HTR5A: variants seen among roughly 807,000 people sequenced by gnomAD.
HTR5A encodes 5-hydroxytryptamine receptor 5A.
In HTR5A, 21 loss-of-function variants were observed where a neutral mutation model predicts 24.3. The ratio of observed to expected loss-of-function variants is 0.86; its 90% CI spans 0.61 to 1.24. The LOEUF is 1.24. Ranked by LOEUF, HTR5A falls within the 50% of genes most tolerant of loss-of-function variation. HTR5A has a pLI of 0.00. For missense variants in HTR5A, 497 were observed against 489.5 expected (o/e 1.02, Z -0.15); for synonymous variants, 260 against 213.7 (o/e 1.22, Z -1.89).
chr7:155,072,559 C>A (rs1433480274), intron 1 of HTR5A, among the ~76,000 whole-genome samples: 1 of 152,196 alleles, frequency 6.6e-6, no homozygotes, highest in East Asian at 1.9e-4. Flanking sequence ...ATTCTGCAGG[C>A]TGCTCCCCCT....
At position 155,071,219 on chromosome 7, in the gene HTR5A, G is replaced by A; in HGVS notation, c.320G>A (p.Trp107Ter). The change falls in exon 1 of 2, where the codon TGG becomes TAG. Residue 107 changes from tryptophan (W) to a stop codon, truncating the protein, a stop_gained. Coordinates refer to ENST00000287907, the MANE Select transcript of HTR5A (RefSeq NM_024012.4). LOFTEE classifies it high-confidence loss of function. ...SLVHELSGRR[W>*]QLGRRLCQLW... The stretch of plus-strand genomic sequence containing the variant: ...GTGCACGAGCTGTCCGGGCGCCGCT[G>A]GCAGCTAGGTCGGAGGCTGTGCCAG... 1.9e-6 allele frequency: 3 copies of A among 1,603,524 alleles called. No individual in the cohort carries two copies. Among genetic ancestry groups the A allele is most frequent in the Non-Finnish European group, 2.5e-6 (3 of 1,179,876 alleles).
intron 1 of HTR5A, among the ~76,000 whole-genome samples, chr7:155,081,698 G>C (rs148593493): frequency 2.6e-5 from 4 of 152,260 alleles, no homozygotes; most frequent in East Asian, 3.9e-4. Flanking sequence ...GATTAGAAGA[G>C]AGCAAAGAGC....
chr7:155,076,494 A>T (rs1354606157), intron 1 of HTR5A, among the ~76,000 whole-genome samples: 2 of 152,166 alleles, frequency 1.3e-5, no homozygotes, highest in Non-Finnish European at 1.5e-5. Flanking sequence ...GAGAGACTGG[A>T]CTACTTATTA....
At position 155,070,921 on chromosome 7, in the gene HTR5A, ACCT is replaced by A. The variant is rs1360851620; in HGVS notation, c.26_28del (p.Ser9del). 6.2e-7 allele frequency: 1 copy of A among 1,603,494 alleles called. No individual in the cohort carries two copies. The highest frequency in any genetic ancestry group is 8.5e-7 in the Non-Finnish European group (1 of 1,179,288). Reference sequence around the variant, plus strand: ...AGAGATGGATTTACCTGTGAACCTAACCTCCTTTTCCCTCTCCACCCCCTCCCC... The same window carrying A: ...AGAGATGGATTTACCTGTGAACCTAACCTTTTCCCTCTCCACCCCCTCCCC... On this transcript the variant is annotated inframe_deletion, in exon 1 of 2. Coordinates refer to ENST00000287907, the MANE Select transcript of HTR5A (RefSeq NM_024012.4).
At chr7:155,078,265 T>C (rs1213301581) in intron 1 of HTR5A, among the ~76,000 whole-genome samples, 1 of 152,224 alleles carries the variant, frequency 6.6e-6, no homozygotes, top group East Asian at 1.9e-4. Flanking sequence ...TTGGATATTT[T>C]GCAAATTGGC....
intron 1 of HTR5A, among the ~76,000 whole-genome samples, chr7:155,080,627 G>T (rs1240723007): frequency 4.6e-5 from 7 of 152,204 alleles, no homozygotes; most frequent in African/African-American, 1.7e-4. Flanking sequence ...TCAGAATAGC[G>T]AGAGGAAGCT....
chr7:155,085,144 G>A lies in HTR5A; in HGVS notation c.*657G>A, dbSNP rs1795462717. 1 of 152,258 alleles carries A rather than the reference G, an allele frequency of 6.6e-6. No individual in the cohort carries two copies. Among genetic ancestry groups the A allele is most frequent in the South Asian group, 2.1e-4 (1 of 4,836 alleles). The allele number at this position is 152,258 out of a possible 1,614,324, so 9.4% of individuals were successfully genotyped here. ...ACACACAACTATGAAAGAGGCAGGT[G>A]TTCTAGCTAGCTAGTTTACTCCAAA... On this transcript the variant is annotated 3_prime_UTR_variant, in exon 2 of 2. Transcript: ENST00000287907.
chr7:155,070,981 G>T lies in HTR5A; in HGVS notation c.82G>T (p.Asp28Tyr). The stretch of plus-strand genomic sequence containing the variant: ...GACCAACCACAGCCTCGGCAAAGAC[G>T]ACCTGCGCCCCAGCTCGCCCCTGCT... The part of the protein sequence containing the change: ...LETNHSLGKD[D>Y]LRPSSPLLSV... Residue 28 changes from aspartate to tyrosine, a missense_variant, in exon 1 of 2, where the codon GAC becomes TAC. Physicochemically the swap from Asp to Tyr is radical, Grantham distance 160 (BLOSUM62 -3). Coordinates refer to ENST00000287907, the MANE Select transcript of HTR5A (RefSeq NM_024012.4). 3 of 1,611,500 alleles carry T rather than the reference G, an allele frequency of 1.9e-6. No individual in the cohort carries two copies. The highest frequency in any genetic ancestry group is 1.7e-6 in the Non-Finnish European group (2 of 1,180,002).
At chr7:155,082,734 T>C (rs1795431909) in intron 1 of HTR5A, among the ~76,000 whole-genome samples, 1 of 152,234 alleles carries the variant, frequency 6.6e-6, no homozygotes, top group African/African-American at 2.4e-5. Flanking sequence ...CTTTCCTTTA[T>C]GCTGAAAAAT....
Position 155,070,370 on chromosome 7 carries a change from A to T in HTR5A, c.-530A>T, listed in dbSNP as rs1795273008. 2 of 455,276 alleles carry T rather than the reference A, an allele frequency of 4.4e-6. No individual in the cohort carries two copies. Among genetic ancestry groups the T allele is most frequent in the Non-Finnish European group, 8.8e-6 (2 of 226,620 alleles). 28.2% of individuals were successfully genotyped at this position (455,276 alleles called of 1,614,324 possible). On this transcript the variant is annotated 5_prime_UTR_variant, in exon 1 of 2. Transcript: ENST00000287907. Reference sequence around the variant, plus strand: ...CAGCCTCCGAAGGGGTGGCGGGGGCAACAGGGACAGAAGGCAGGTCCCAGA... The same window carrying T: ...CAGCCTCCGAAGGGGTGGCGGGGGCTACAGGGACAGAAGGCAGGTCCCAGA...
rs114348365 is a variant in HTR5A at position 155,075,246 on chromosome 7, G to A, written c.741+3606G>A. On this transcript the variant is annotated intron_variant, in intron 1 of 1. Transcript: ENST00000287907. ...AGCCAAAGCTGCAGGAGAGATCTCC[G>A]TGATTATCCAGATTGTCACCACTGT... 4.4e-3 allele frequency among the ~76,000 whole-genome samples: 634 copies of A among 145,536 alleles called. 4 individuals are homozygous for A. The highest frequency in any genetic ancestry group is 0.014 in the African/African-American group (586 of 40,482).
chr7:155,080,652 T>C (rs1226050368), intron 1 of HTR5A, among the ~76,000 whole-genome samples: 2 of 152,196 alleles, frequency 1.3e-5, no homozygotes, highest in African/African-American at 4.8e-5. Flanking sequence ...TTGTCAGCAG[T>C]CTCCCAGAGC....
chr7:155,071,490 G>A lies in HTR5A; in HGVS notation c.591G>A (p.Glu197=). Reference sequence around the variant, plus strand: ...GCGAGGAGTGCCAGGTAAGCCGCGAGCCTTCCTACGCCGTGTTCTCCACCG... The same window carrying A: ...GCGAGGAGTGCCAGGTAAGCCGCGAACCTTCCTACGCCGTGTTCTCCACCG... ...EGSEECQVSR[E]PSYAVFSTVG... The change falls in exon 1 of 2, where the codon GAG becomes GAA. Residue 197 remains glutamate (E), a synonymous_variant. Transcript: ENST00000287907. 2 of 1,614,198 alleles carry A rather than the reference G, an allele frequency of 1.2e-6. No individual in the cohort carries two copies. Among genetic ancestry groups the A allele is most frequent in the Non-Finnish European group, 1.7e-6 (2 of 1,180,046 alleles).
Position 155,085,997 on chromosome 7 carries a change from T to G in HTR5A, c.*1510T>G, listed in dbSNP as rs1005996285. On this transcript the variant is annotated 3_prime_UTR_variant, in exon 2 of 2. Transcript: ENST00000287907. The stretch of plus-strand genomic sequence containing the variant: ...GCAGATTCATTGAGAAATTTAGTGA[T>G]AAGAATTGAAGAATTTATTTAGAAA... 1.4e-4 allele frequency among the ~76,000 whole-genome samples: 22 copies of G among 152,206 alleles called. No homozygotes were observed. The highest frequency in any genetic ancestry group is 1.2e-3 in the Admixed American group (18 of 15,278).
intron 1 of HTR5A, among the ~76,000 whole-genome samples, chr7:155,083,084 T>C (rs1242427897): frequency 6.8e-6 from 1 of 146,934 alleles, no homozygotes; most frequent in Non-Finnish European, 1.5e-5. Flanking sequence ...TGTTATTCCA[T>C]GTGATAGTAA....
chr7:155,084,582 G>A lies in HTR5A; in HGVS notation c.*95G>A, dbSNP rs917231272. On this transcript the variant is annotated 3_prime_UTR_variant, in exon 2 of 2. Transcript: ENST00000287907. Reference sequence around the variant, plus strand: ...ATCCCCACCCAACAGCCATGTGGACGGGATGAATCCTCACCATTCTCCAGG... The same window carrying A: ...ATCCCCACCCAACAGCCATGTGGACAGGATGAATCCTCACCATTCTCCAGG... 14 of 1,030,820 alleles carry A rather than the reference G, an allele frequency of 1.4e-5. No homozygotes were observed. The highest frequency in any genetic ancestry group is 4.6e-5 in the South Asian group (3 of 65,528). 63.9% of individuals were successfully genotyped at this position (1,030,820 alleles called of 1,614,324 possible). A position where few individuals can be genotyped will look rare whatever the true frequency, so the allele number is the denominator to read the frequency against.
At chr7:155,084,005 C>T (rs965927896) in intron 1 of HTR5A, 150 bp from the exon 2 acceptor site, 9 of 619,456 alleles carry the variant, frequency 1.5e-5, no homozygotes, top group Admixed American at 3.0e-5. Context: ...TATCTGAGAG[C>T]GAGTGCCACA....
At chr7:155,072,332 T>C (rs943526982) in intron 1 of HTR5A, among the ~76,000 whole-genome samples, 1 of 152,120 alleles carries the variant, frequency 6.6e-6, no homozygotes, top group African/African-American at 2.4e-5. Context: ...ACAGCCCTAT[T>C]AGGTTGTAGG....
At chr7:155,082,313 G>A (rs896211119) in intron 1 of HTR5A, among the ~76,000 whole-genome samples, 2 of 151,810 alleles carry the variant, frequency 1.3e-5, no homozygotes, top group African/African-American at 2.4e-5. Flanking sequence ...CATCCACAGT[G>A]TGAATGGCAT....
Sources: gnomAD v4.1 joint callset for allele counts (sites outside exome capture counted in the v4.1 genomes callset) on GRCh38, gnomAD v4.1.1 for gene constraint, MANE v1.5 for transcripts, NCBI Gene and HGNC (gene_info 2026-07-23, HGNC 2026-07-21) for gene names.